VPS41: variants seen among roughly 807,000 people sequenced by gnomAD.
VPS41 encodes the protein vacuolar protein sorting-associated protein 41 homolog.
A neutral mutation model predicts 130.9 loss-of-function variants in VPS41; 85 were observed. That is an observed-to-expected ratio of 0.65 (90% CI 0.55 to 0.78). The LOEUF is 0.78. Among genes scored for constraint, VPS41 ranks in the 30% least tolerant of loss-of-function variants. The pLI is 0.00. For synonymous variants in VPS41, 335 were observed against 332.9 expected, an observed-to-expected ratio of 1.01 and a Z score of -0.07; for missense variants, 874 against 1,018.7, an observed-to-expected ratio of 0.86 and a Z score of 1.93.
intron 4 of VPS41, among the ~76,000 whole-genome samples, chr7:38,853,329 G>A (rs1313537034): frequency 3.5e-5 from 5 of 144,012 alleles, no homozygotes; most frequent in African/African-American, 1.3e-4. Flanking sequence ...TGAGGCAGGA[G>A]AACGGCATCA....
intron 4 of VPS41, among the ~76,000 whole-genome samples, chr7:38,853,533 G>A (rs894784164): frequency 6.6e-6 from 1 of 151,020 alleles, no homozygotes; most frequent in Non-Finnish European, 1.5e-5. Flanking sequence ...CAGGTTCCCT[G>A]TCTCCCAACT....
At chr7:38,807,773 CA>C (rs1784869259) in intron 7 of VPS41, among the ~76,000 whole-genome samples, 1 of 152,110 alleles carries the variant, frequency 6.6e-6, no homozygotes, top group Admixed American at 6.5e-5. Flanking sequence ...TCTCTTAAAG[CA>C]AAAGAGAGAA....
At chr7:38,829,437 T>C (rs1785342966) in intron 5 of VPS41, among the ~76,000 whole-genome samples, 1 of 152,184 alleles carries the variant, frequency 6.6e-6, no homozygotes, top group Non-Finnish European at 1.5e-5. Flanking sequence ...CTTTACTCAG[T>C]AAGGAATATG....
intron 7 of VPS41, among the ~76,000 whole-genome samples, chr7:38,808,135 T>C (rs1784875671): frequency 6.6e-6 from 1 of 152,050 alleles, no homozygotes; most frequent in Non-Finnish European, 1.5e-5. Context: ...TGGACCCAAC[T>C]CTCCCACCCT....
chr7:38,795,663 A>G, intron 8 of VPS41, 52 bp from the exon 9 acceptor site: 1 of 1,525,326 alleles, frequency 6.6e-7, no homozygotes. Flanking sequence ...AAAGTAACAG[A>G]AAACTTATTA....
chr7:38,906,710 T>TA (rs1787276593), intron 1 of VPS41, among the ~76,000 whole-genome samples: 2 of 152,132 alleles, frequency 1.3e-5, no homozygotes, highest in South Asian at 4.1e-4. Context: ...TATTGGCTGT[T>TA]AAAGCATCAA....
chr7:38,887,103 A>C (rs1328803942), intron 2 of VPS41, among the ~76,000 whole-genome samples: 1 of 152,198 alleles, frequency 6.6e-6, no homozygotes, highest in Non-Finnish European at 1.5e-5. Context: ...AAATTCTAAA[A>C]ACCAAAACAC....
intron 5 of VPS41, among the ~76,000 whole-genome samples, chr7:38,821,620 TTGCTTGAA>T (rs1393031816): frequency 6.7e-6 from 1 of 149,612 alleles, no homozygotes; most frequent in African/African-American, 2.5e-5. Context: ...GATAGGAGAA[TTGCTTGAA>T]CCTGGGAGGC....
At chr7:38,808,764 A>G (rs970340441) in intron 7 of VPS41, among the ~76,000 whole-genome samples, 1 of 152,158 alleles carries the variant, frequency 6.6e-6, no homozygotes, top group African/African-American at 2.4e-5. Context: ...TAATGTCAAA[A>G]CCCTTCTAGC....
At chr7:38,746,429 A>G (rs1316576988) in intron 22 of VPS41, among the ~76,000 whole-genome samples, 1 of 152,180 alleles carries the variant, frequency 6.6e-6, no homozygotes, top group Non-Finnish European at 1.5e-5. Flanking sequence ...AGGAAAACAA[A>G]GAAGAGAATA....
chr7:38,843,160 A>G (rs2116230695), intron 4 of VPS41, among the ~76,000 whole-genome samples: 1 of 152,342 alleles, frequency 6.6e-6, no homozygotes, highest in South Asian at 2.1e-4. Context: ...ATAAAGCCTC[A>G]ATTAAGTTCA....
intron 10 of VPS41, among the ~76,000 whole-genome samples, chr7:38,781,473 A>C (rs1784353552): frequency 1.3e-5 from 2 of 152,158 alleles, no homozygotes; most frequent in African/African-American, 2.4e-5. Flanking sequence ...TGCTATTTTA[A>C]TTTATAATTT....
rs1408130504 is a variant in VPS41, at chr7:38,774,233, G to A, written c.894C>T (p.Tyr298=). 6.3e-7 allele frequency: 1 copy of A among 1,584,664 alleles called. No individual in the cohort carries two copies. Reference sequence around the variant, plus strand: ...TGATGTCCAGTCTAGGCCTGGCACAGTATTCTCTTTCCTAGTGGGGGAAAA... The same window carrying A: ...TGATGTCCAGTCTAGGCCTGGCACAATATTCTCTTTCCTAGTGGGGGAAAA... ...KEISEKTERE[Y]CARPRLDIIQ... The change falls in exon 12 of 29, where the codon TAC becomes TAT. Residue 298 remains tyrosine, a synonymous_variant. Coordinates refer to ENST00000310301, the MANE Select transcript of VPS41 (RefSeq NM_014396.4).
chr7:38,747,934 C>T (rs773816666), intron 22 of VPS41, among the ~76,000 whole-genome samples: 3 of 152,124 alleles, frequency 2.0e-5, no homozygotes, highest in Non-Finnish European at 2.9e-5. Context: ...AGGAATGACA[C>T]GGAATGTAAG....
At chr7:38,832,849 C>A (rs1034761912) in intron 4 of VPS41, among the ~76,000 whole-genome samples, 7 of 152,100 alleles carry the variant, frequency 4.6e-5, no homozygotes, top group African/African-American at 1.7e-4. Context: ...TGGAATGACT[C>A]CTACATTTTT....
At chr7:38,889,602 A>G (rs1184137242) in intron 2 of VPS41, among the ~76,000 whole-genome samples, 2 of 151,726 alleles carry the variant, frequency 1.3e-5, no homozygotes, top group Non-Finnish European at 2.9e-5. Context: ...AGATAAAGAT[A>G]CTCTCATATT....
intron 18 of VPS41, among the ~76,000 whole-genome samples, chr7:38,757,970 C>T (rs147820318): frequency 2.6e-5 from 4 of 152,210 alleles, no homozygotes; most frequent in Non-Finnish European, 4.4e-5. Context: ...TTAAAATTTT[C>T]CCATAAGGAA....
intron 10 of VPS41, among the ~76,000 whole-genome samples, chr7:38,780,372 G>A (rs1321574622): frequency 4.6e-5 from 7 of 151,962 alleles, no homozygotes. Flanking sequence ...TACAGCTGAG[G>A]CACAGCCTTC....
chr7:38,861,682 C>T (rs1562614208), intron 4 of VPS41, among the ~76,000 whole-genome samples: 1 of 152,138 alleles, frequency 6.6e-6, no homozygotes, highest in African/African-American at 2.4e-5. Context: ...TTGACAAGTG[C>T]TGATGCTTTC....
Sources: allele counts gnomAD v4.1 joint callset (sites outside exome capture counted in the v4.1 genomes callset), GRCh38; gene constraint gnomAD v4.1.1; transcripts MANE v1.5; gene names NCBI Gene and HGNC (gene_info 2026-07-23, HGNC 2026-07-21).